SLIT2: variants seen among roughly 807,000 people sequenced by gnomAD.
The protein encoded by SLIT2 is slit guidance ligand 2.
In SLIT2, 41 loss-of-function variants were observed where a neutral mutation model predicts 185.7. That is an observed-to-expected ratio of 0.22 (90% confidence interval 0.17 to 0.29). SLIT2 has a LOEUF of 0.29. Ranked by LOEUF, SLIT2 falls within the 10% of genes least tolerant of loss-of-function variation. The pLI, the probability that SLIT2 is intolerant of heterozygous loss-of-function variation, is 1.00. For synonymous variants in SLIT2, 693 were observed against 680.2 expected (o/e 1.02, Z -0.29); for missense variants, 1,571 against 1,909.0 (o/e 0.82, Z 3.30).
At chr4:20,335,580 A>C (rs529753804) in intron 4 of SLIT2, among the ~76,000 whole-genome samples, 5 of 152,146 alleles carry the variant, frequency 3.3e-5, no homozygotes, top group Non-Finnish European at 7.4e-5. Context: ...GGAGCACAAG[A>C]TGGAAATATT....
intron 11 of SLIT2, among the ~76,000 whole-genome samples, chr4:20,511,587 A>ATTTTTTTTTTTATTT (rs1553915355): frequency 2.4e-5 from 2 of 82,210 alleles, no homozygotes; most frequent in Non-Finnish European, 4.4e-5. Flanking sequence ...CATCCAGCTA[A>ATTTTTTTTTTTATTT]TTTTTTTTTT....
chr4:20,525,288 G>C, intron 15 of SLIT2, 116 bp downstream of exon 15: 6 of 777,312 alleles, frequency 7.7e-6, no homozygotes, highest in South Asian at 6.3e-5. Flanking sequence ...TCTATAGATA[G>C]ATTGACTTAT....
intron 18 of SLIT2, 102 bp from the exon 19 acceptor site, chr4:20,539,339 A>G (rs148333286): frequency 1.0e-6 from 1 of 979,220 alleles, no homozygotes; most frequent in African/African-American, 1.6e-5. Context: ...AAAAAGTAGT[A>G]ATGAATGCTA....
Position 20,488,383 on chromosome 4 carries a change from C to T in SLIT2, c.612-436C>T, listed in dbSNP as rs558828979. Among the ~76,000 whole-genome samples the T allele has an allele frequency of 3.3e-5, 5 of 152,220 alleles. No homozygotes were observed. In the East Asian group the frequency reaches 5.8e-4, roughly 18 times the overall value. ...TGTCCTGCTGCAAAGGTTTTATAAG[C>T]GGTTTCTATAGAGACTCATAATGGC... On this transcript the variant is annotated intron_variant, in intron 7 of 36. Coordinates refer to ENST00000504154, the MANE Select transcript of SLIT2 (RefSeq NM_004787.4).
intron 4 of SLIT2, among the ~76,000 whole-genome samples, chr4:20,365,657 A>G (rs1723060727): frequency 6.6e-6 from 1 of 152,174 alleles, no homozygotes; most frequent in African/African-American, 2.4e-5. Flanking sequence ...CCTACCTGGA[A>G]GATGGCTAAG....
chr4:20,254,300 G>A lies in SLIT2; in HGVS notation c.179+306G>A, dbSNP rs1175110689. 6.6e-6 allele frequency among the ~76,000 whole-genome samples: 1 copy of A among 152,188 alleles called. No individual in the cohort carries two copies. Among genetic ancestry groups the A allele is most frequent in the East Asian group, 1.9e-4 (1 of 5,184 alleles). ...GGGTAGATAGGGGACAAGTACTGGA[G>A]GATGCCCGGGGCAAGTGAGACGCCA... On this transcript the variant is annotated intron_variant, in intron 1 of 36. Coordinates refer to ENST00000504154, the MANE Select transcript of SLIT2 (RefSeq NM_004787.4). This position sits in a 1 kb window ranked among gnomAD's most constrained non-coding sequence, Gnocchi z 5.1.
chr4:20,564,769 T>C (rs879656176), intron 26 of SLIT2, among the ~76,000 whole-genome samples: 23 of 138,998 alleles, frequency 1.7e-4, no homozygotes, highest in Non-Finnish European at 3.0e-4. Flanking sequence ...TGTATGAGAA[T>C]GCTTGTTATC....
At chr4:20,582,086 C>T (rs59430938) in intron 29 of SLIT2, among the ~76,000 whole-genome samples, 23,837 of 152,160 alleles carry the variant, frequency 0.16, 2,186 homozygotes, top group East Asian at 0.34. Context: ...TCTGGCCATG[C>T]CCCGACTCAA....
intron 29 of SLIT2, chr4:20,573,372 A>T: frequency 1.4e-6 from 1 of 690,118 alleles, no homozygotes; most frequent in Admixed American, 2.1e-5. Context: ...GACAAAATAT[A>T]AAATCTGAAA....
At chr4:20,269,395 AT>A (rs1713370458) in intron 4 of SLIT2, among the ~76,000 whole-genome samples, 1 of 151,922 alleles carries the variant, frequency 6.6e-6, no homozygotes, top group Non-Finnish European at 1.5e-5. Context: ...CCTCTGCAAT[AT>A]GAATGACTGT....
rs2148857205 is a variant in SLIT2 at position 20,528,918 on chromosome 4, G to GTA, written c.1463-29_1463-28dup. ...ATAAATTTTCTAACCTTTAGACTCA[G>GTA]TATCTTTTTTTTGGTTTGAATTCTC... is the stretch of plus-strand genomic sequence containing the variant. On this transcript the variant is annotated intron_variant, in intron 15 of 36. Coordinates refer to ENST00000504154, the MANE Select transcript of SLIT2 (RefSeq NM_004787.4). This position sits in a 1 kb window ranked among gnomAD's most constrained non-coding sequence, Gnocchi z 4.2. 6 of 1,574,936 alleles carry GTA rather than the reference G, an allele frequency of 3.8e-6. No homozygotes were observed. The South Asian group carries it at 4.6e-5, about 12-fold the overall frequency.
At chr4:20,289,358 C>A (rs775869831) in intron 4 of SLIT2, among the ~76,000 whole-genome samples, 1 of 152,158 alleles carries the variant, frequency 6.6e-6, no homozygotes, top group African/African-American at 2.4e-5. Context: ...CCAGTGCCAG[C>A]AAGCCCAGCT....
At chr4:20,447,192 A>T (rs935620218) in intron 4 of SLIT2, among the ~76,000 whole-genome samples, 2 of 152,204 alleles carry the variant, frequency 1.3e-5, no homozygotes, top group Non-Finnish European at 2.9e-5. Flanking sequence ...TCCTCAGGCA[A>T]TTAATAATGA....
chr4:20,277,522 A>G (rs1384742604), intron 4 of SLIT2, among the ~76,000 whole-genome samples: 1 of 151,694 alleles, frequency 6.6e-6, no homozygotes, highest in Admixed American at 6.6e-5. Flanking sequence ...AAAACATTTG[A>G]AATTACTGAT....
intron 26 of SLIT2, chr4:20,554,357 C>T (rs1351520474): frequency 6.5e-6 from 3 of 459,908 alleles, no homozygotes; most frequent in South Asian, 1.5e-5. Context: ...AGAAACAGGC[C>T]CTCCCCAGTG....
At chr4:20,350,230 ATT>A (rs558427082) in intron 4 of SLIT2, among the ~76,000 whole-genome samples, 3 of 151,660 alleles carry the variant, frequency 2.0e-5, no homozygotes, top group African/African-American at 7.3e-5. Context: ...TTCTGAAGTG[ATT>A]TTTTTTATTA....
At chr4:20,320,199 G>A (rs1163139217) in intron 4 of SLIT2, among the ~76,000 whole-genome samples, 12 of 152,146 alleles carry the variant, frequency 7.9e-5, no homozygotes. Context: ...TATGTGTCCT[G>A]GATATTGTGA....
intron 4 of SLIT2, among the ~76,000 whole-genome samples, chr4:20,280,909 T>C (rs945037837): frequency 6.6e-6 from 1 of 151,076 alleles, no homozygotes; most frequent in South Asian, 2.1e-4. Context: ...CTCAGCTCAC[T>C]GCAACCTCCG....
chr4:20,507,457 G>A (rs1484688121), intron 9 of SLIT2, among the ~76,000 whole-genome samples: 5 of 151,834 alleles, frequency 3.3e-5, no homozygotes, highest in African/African-American at 1.2e-4. Flanking sequence ...TAAGGTTATT[G>A]ACATTTCAGA....
Sources: gnomAD v4.1 joint callset for allele counts (sites outside exome capture counted in the v4.1 genomes callset) on GRCh38, gnomAD v4.1.1 for gene constraint, Gnocchi (gnomAD v3.1) non-coding constraint, MANE v1.5 for transcripts, NCBI Gene and HGNC (gene_info 2026-07-23, HGNC 2026-07-21) for gene names.